Variants in CNTNAP2 observed in about 807,000 individuals in gnomAD.
CNTNAP2 encodes the protein contactin associated protein 2, also known as contactin-associated protein-like 2.
A neutral mutation model predicts 155.2 loss-of-function variants in CNTNAP2; 98 were observed. That is an observed-to-expected ratio of 0.63 (90% CI 0.54 to 0.75). CNTNAP2 has a LOEUF of 0.75. Among genes scored for constraint, CNTNAP2 ranks in the 30% least tolerant of loss-of-function variants. The probability of loss-of-function intolerance (pLI) is 0.00; values close to 1 mark genes in which losing one functional copy is unlikely to be tolerated. For missense variants in CNTNAP2, 1,727 were observed against 1,688.1 expected, an observed-to-expected ratio of 1.02 and a Z score of -0.40; for synonymous variants, 651 against 631.2, an observed-to-expected ratio of 1.03 and a Z score of -0.47.
chr7:146,746,748 T>C (rs1371604118), intron 1 of CNTNAP2, among the ~76,000 whole-genome samples: 1 of 152,154 alleles, frequency 6.6e-6, no homozygotes, highest in East Asian at 1.9e-4. Flanking sequence ...CTACTTACCA[T>C]TAGATCAAAA....
chr7:146,450,249 T>C (rs1796459332), intron 1 of CNTNAP2, among the ~76,000 whole-genome samples: 1 of 152,228 alleles, frequency 6.6e-6, no homozygotes, highest in Non-Finnish European at 1.5e-5. Context: ...GTATTAATAC[T>C]TTGTGTTTTA....
At chr7:146,804,680 T>C (rs1802936620) in intron 2 of CNTNAP2, among the ~76,000 whole-genome samples, 1 of 152,182 alleles carries the variant, frequency 6.6e-6, no homozygotes. Context: ...AAAATAAATC[T>C]TATTGAAGAG....
intron 9 of CNTNAP2, among the ~76,000 whole-genome samples, chr7:147,368,985 T>A (rs115084833): frequency 1.3e-5 from 2 of 152,320 alleles, no homozygotes; most frequent in African/African-American, 4.8e-5. Context: ...GGCAGAGAAG[T>A]AGCAGAAAGG....
At chr7:147,928,018 G>C (rs951791906) in intron 14 of CNTNAP2, among the ~76,000 whole-genome samples, 1 of 152,102 alleles carries the variant, frequency 6.6e-6, no homozygotes, top group Non-Finnish European at 1.5e-5. Context: ...TGAATTATGG[G>C]GCAGTTTTTC....
chr7:146,276,091 A>G (rs184244289), intron 1 of CNTNAP2, among the ~76,000 whole-genome samples: 1 of 152,322 alleles, frequency 6.6e-6, no homozygotes, highest in Non-Finnish European at 1.5e-5. Context: ...ATTCCTAGAG[A>G]CTAGTACGTG....
At chr7:146,579,226 A>T (rs942331519) in intron 1 of CNTNAP2, among the ~76,000 whole-genome samples, 2 of 152,064 alleles carry the variant, frequency 1.3e-5, no homozygotes, top group African/African-American at 4.8e-5. Flanking sequence ...GTTGTTAAAT[A>T]TTTTCTAAAC....
At chr7:146,574,438 C>G (rs1584988524) in intron 1 of CNTNAP2, among the ~76,000 whole-genome samples, 1 of 152,274 alleles carries the variant, frequency 6.6e-6, no homozygotes, top group Admixed American at 6.5e-5. Flanking sequence ...TGTGGTGGCT[C>G]AAGCCTATAA....
At chr7:148,248,479 G>A (rs2116811783) in intron 20 of CNTNAP2, among the ~76,000 whole-genome samples, 1 of 152,344 alleles carries the variant, frequency 6.6e-6, no homozygotes, top group South Asian at 2.1e-4. Context: ...TTACAGGCGT[G>A]AGCTACCACG....
At chr7:147,000,896 T>C (rs1345306694) in intron 3 of CNTNAP2, among the ~76,000 whole-genome samples, 1 of 152,136 alleles carries the variant, frequency 6.6e-6, no homozygotes, top group Non-Finnish European at 1.5e-5. Context: ...TGAGTCATTC[T>C]TGCAGGGCCT....
At chr7:147,066,972 A>T (rs529643773) in intron 4 of CNTNAP2, among the ~76,000 whole-genome samples, 2 of 152,274 alleles carry the variant, frequency 1.3e-5, no homozygotes, top group East Asian at 1.9e-4. Context: ...TAGCGAAGAG[A>T]ACGAGCTAGC....
chr7:147,371,333 T>C (rs986591817), intron 9 of CNTNAP2, among the ~76,000 whole-genome samples: 50 of 152,306 alleles, frequency 3.3e-4, no homozygotes, highest in African/African-American at 1.0e-3. Context: ...ATTTATTTTC[T>C]AAGAAATTGC....
chr7:148,302,700 C>T (rs1019032178), intron 21 of CNTNAP2, among the ~76,000 whole-genome samples: 4 of 152,126 alleles, frequency 2.6e-5, no homozygotes, highest in African/African-American at 9.7e-5. Context: ...GCTTCTCTCG[C>T]CTGCCTACTT....
chr7:147,126,886 G>A (rs1187190103), intron 6 of CNTNAP2, among the ~76,000 whole-genome samples: 2 of 152,176 alleles, frequency 1.3e-5, no homozygotes, highest in Non-Finnish European at 2.9e-5. Flanking sequence ...GTTAACTTGA[G>A]CCTGCATTGC....
chr7:148,299,098 C>T (rs1213903158), intron 21 of CNTNAP2, among the ~76,000 whole-genome samples: 1 of 151,948 alleles, frequency 6.6e-6, no homozygotes, highest in African/African-American at 2.4e-5. Flanking sequence ...TCACGCCTTT[C>T]TCCCACCTCA....
intron 3 of CNTNAP2, among the ~76,000 whole-genome samples, chr7:146,989,267 A>C (rs941823938): frequency 2.6e-5 from 4 of 152,062 alleles, no homozygotes; most frequent in African/African-American, 4.8e-5. Context: ...ACTCTTACCA[A>C]AGCCTAGAGC....
At chr7:148,071,927 A>G (rs886227406) in intron 15 of CNTNAP2, among the ~76,000 whole-genome samples, 4 of 152,184 alleles carry the variant, frequency 2.6e-5, no homozygotes, top group African/African-American at 9.7e-5. Context: ...AATAGCTATA[A>G]AAATTTCCAA....
chr7:147,872,080 T>C (rs142589650), intron 13 of CNTNAP2, among the ~76,000 whole-genome samples: 1,658 of 152,312 alleles, frequency 0.011, 87 homozygotes, highest in Admixed American at 0.09. Flanking sequence ...CCACCCTACA[T>C]TCTTTGACTA....
chr7:148,112,877 A>G (rs1804383785), intron 15 of CNTNAP2, among the ~76,000 whole-genome samples: 1 of 152,046 alleles, frequency 6.6e-6, no homozygotes, highest in Non-Finnish European at 1.5e-5. Context: ...TTAAAAAAAA[A>G]TACAGCTGTT....
chr7:147,163,579 T>C (rs1238117778), intron 8 of CNTNAP2, among the ~76,000 whole-genome samples: 1 of 152,196 alleles, frequency 6.6e-6, no homozygotes, highest in African/African-American at 2.4e-5. Context: ...CATAAAATTC[T>C]TTAGGTCTTA....
Sources: gnomAD v4.1 joint callset for allele counts (sites outside exome capture counted in the v4.1 genomes callset) on GRCh38, gnomAD v4.1.1 for gene constraint, MANE v1.5 for transcripts, NCBI Gene and HGNC (gene_info 2026-07-23, HGNC 2026-07-21) for gene names.